KIAA0408: variants seen among roughly 807,000 people sequenced by gnomAD.
KIAA0408 encodes the protein uncharacterized protein KIAA0408.
Under a neutral mutation model 60.9 loss-of-function variants are expected in KIAA0408, and 51 were observed. That is an observed-to-expected ratio of 0.84 (90% CI 0.67 to 1.06). The LOEUF (loss-of-function observed/expected upper bound fraction) is 1.06. KIAA0408 is among the 50% of genes least tolerant of loss of function. The pLI, the probability that KIAA0408 is intolerant of heterozygous loss-of-function variation, is 0.00. For missense variants in KIAA0408, 787 were observed against 833.9 expected, an observed-to-expected ratio of 0.94 and a Z score of 0.69; for synonymous variants, 304 against 282.4, an observed-to-expected ratio of 1.08 and a Z score of -0.77.
At chr6:127,456,638 C>CT (rs1393291229) in intron 1 of KIAA0408, among the ~76,000 whole-genome samples, 2 of 152,144 alleles carry the variant, frequency 1.3e-5, no homozygotes, top group African/African-American at 4.8e-5. Flanking sequence ...AGAAACAAGC[C>CT]TTTGCAAGAA....
rs1212621258 is a variant in KIAA0408, at chr6:127,446,731, G to T, written c.1588C>A (p.Pro530Thr). The T allele has an allele frequency of 6.2e-7, 1 of 1,613,934 alleles. No individual in the cohort carries two copies. The highest frequency in any genetic ancestry group is 1.7e-5 in the Admixed American group (1 of 59,964). Residue 530 changes from proline to threonine, a missense_variant, in exon 5 of 6, where the codon CCT (proline) becomes ACT (threonine). Physicochemically the swap from Pro to Thr is conservative, Grantham distance 38. This residue lies in a region of KIAA0408 where 640 missense variants were observed against 681.3 expected (regional missense o/e 0.94). Transcript: ENST00000483725. ...TGGAGCATATTTCGATAACTGCGAG[G>T]ACTTAGGTGTCCCTGCATTTGTCTT... is the stretch of plus-strand genomic sequence containing the variant. Reference protein sequence around the residue: ...LVRQMQGHLSPRSYRNMLHEH... With the variant: ...LVRQMQGHLSTRSYRNMLHEH...
In KIAA0408 at chr6:127,442,231, T is replaced by C. The variant is rs1562367539; in HGVS notation, c.*1878A>G. On this transcript the variant is annotated 3_prime_UTR_variant, in exon 6 of 6. Coordinates refer to ENST00000483725, the MANE Select transcript of KIAA0408 (RefSeq NM_014702.5). The stretch of plus-strand genomic sequence containing the variant: ...CAATATTCTAAGGAACCACAGATCA[T>C]ACCAGACTACTTGGGATACACTGGT... The C allele has an allele frequency of 6.6e-6, 1 of 152,246 alleles. No homozygotes were observed. Among genetic ancestry groups the C allele is most frequent in the Non-Finnish European group, 1.5e-5 (1 of 68,042 alleles). The allele number at this position is 152,246 out of a possible 1,614,324, so 9.4% of individuals were successfully genotyped here.
intron 1 of KIAA0408, among the ~76,000 whole-genome samples, chr6:127,456,570 T>TAA (rs1773396788): frequency 6.6e-6 from 1 of 152,160 alleles, no homozygotes; most frequent in Non-Finnish European, 1.5e-5. Context: ...TGTATGGAGC[T>TAA]TTTCCTTTCC....
At position 127,449,845 on chromosome 6, in the gene KIAA0408, A is replaced by G; in HGVS notation, c.555T>C (p.Ile185=). The G allele has an allele frequency of 6.2e-7, 1 of 1,614,062 alleles. No individual in the cohort carries two copies. The highest frequency in any genetic ancestry group is 1.1e-5 in the South Asian group (1 of 91,084). The change falls in exon 4 of 6, where the codon ATT becomes ATC. Residue 185 remains isoleucine, a synonymous_variant. Transcript: ENST00000483725. ...ACCTTCTATGGTTAGACCGCTTTCG[A>G]ATTTCCTCTTGAAAGCTGCATAATT... ...SEELCSFQEE[I]RKRSNHRRMK...
chr6:127,450,222 TG>T lies in KIAA0408; in HGVS notation c.265del (p.Gln89LysfsTer5). 6.2e-7 allele frequency: 1 copy of T among 1,614,092 alleles called. No individual in the cohort carries two copies. Among genetic ancestry groups the T allele is most frequent in the Non-Finnish European group, 8.5e-7 (1 of 1,179,982 alleles). ...GTGATTCGTCCTTATAAATTCACTT[TG>T]TCCTAAATCGGGGTAATTTGGGGAA... ...ESSPNYPDLG[Q>X]SEFIRTNHKD... On this transcript the variant is annotated frameshift_variant, in exon 3 of 6. Coordinates refer to ENST00000483725, the MANE Select transcript of KIAA0408 (RefSeq NM_014702.5). LOFTEE classifies it high-confidence loss of function.
Position 127,453,866 on chromosome 6 carries a change from A to G in KIAA0408, c.116T>C (p.Met39Thr). 1 of 1,612,644 alleles carries G rather than the reference A, an allele frequency of 6.2e-7. No individual in the cohort carries two copies. The highest frequency in any genetic ancestry group is 8.5e-7 in the Non-Finnish European group (1 of 1,179,072). The change falls in exon 2 of 6, where the codon ATG becomes ACG. Residue 39 changes from methionine to threonine, a missense_variant. Around this residue, in one of 3 missense-constraint regions of KIAA0408, gnomAD observed 640 missense variants for 681.3 expected, o/e 0.94. Coordinates refer to ENST00000483725, the MANE Select transcript of KIAA0408 (RefSeq NM_014702.5). Reference sequence around the variant, plus strand: ...GTGTACCTCTTCTATTTTCTTCTGCATAATCTTCCATTGACTTTCCCATTC... The same window carrying G: ...GTGTACCTCTTCTATTTTCTTCTGCGTAATCTTCCATTGACTTTCCCATTC... ...RKEWESQWKIMQKKIEELCRE... is the reference protein window; with the variant it reads ...RKEWESQWKITQKKIEELCRE...
chr6:127,444,353 C>A, intron 5 of KIAA0408, 71 bp from the exon 6 acceptor site: 3 of 1,188,810 alleles, frequency 2.5e-6, no homozygotes, highest in South Asian at 3.6e-5. Flanking sequence ...TGATGGGTCT[C>A]AACTATAAGA....
Position 127,446,749 on chromosome 6 carries a change from T to C in KIAA0408, c.1570A>G (p.Met524Val), listed in dbSNP as rs1270787788. Residue 524 changes from methionine to valine, a missense_variant, in exon 5 of 6, where the codon ATG becomes GTG. Physicochemically the swap from Met to Val is conservative, Grantham distance 21. This residue lies in a region of KIAA0408 where 640 missense variants were observed against 681.3 expected (regional missense o/e 0.94). Transcript: ENST00000483725. The stretch of plus-strand genomic sequence containing the variant: ...CTGCGAGGACTTAGGTGTCCCTGCA[T>C]TTGTCTTACTAGGCCTGTTGTGGAT... ...KKSTTGLVRQ[M>V]QGHLSPRSYR... 3 of 1,614,002 alleles carry C rather than the reference T, an allele frequency of 1.9e-6. No individual in the cohort carries two copies. Among genetic ancestry groups the C allele is most frequent in the Admixed American group, 1.7e-5 (1 of 59,986 alleles).
rs367597569 is a variant in KIAA0408, at chr6:127,444,150, T to C, written c.2044A>G (p.Asn682Asp). Residue 682 changes from asparagine (N) to aspartate (D), a missense_variant, in exon 6 of 6, where the codon AAC (asparagine) becomes GAC (aspartate). Coordinates refer to ENST00000483725, the MANE Select transcript of KIAA0408 (RefSeq NM_014702.5). Reference sequence around the variant, plus strand: ...TCGGATCGCAGAGAAATGGTATAGTTGTGGGTAGTTCTCCGCAAGGCAGGG... The same window carrying C: ...TCGGATCGCAGAGAAATGGTATAGTCGTGGGTAGTTCTCCGCAAGGCAGGG... ...APPALRRTTH[N>D]YTISLRSEAL... 4 of 1,613,998 alleles carry C rather than the reference T, an allele frequency of 2.5e-6. No homozygotes were observed. The highest frequency in any genetic ancestry group is 2.2e-5 in the East Asian group (1 of 44,860).
In KIAA0408 at chr6:127,441,348, T is replaced by C. The variant is rs2114782936; in HGVS notation, c.*2761A>G. 1.3e-5 allele frequency: 2 copies of C among 152,730 alleles called. No individual in the cohort carries two copies. Among genetic ancestry groups the C allele is most frequent in the African/African-American group, 4.8e-5 (2 of 41,578 alleles). The allele number at this position is 152,730 out of a possible 1,614,324, so 9.5% of individuals were successfully genotyped here. ...AATGAATTATACAAAGCATCATTTATATTTTTATATTTGGCTTTGGGACAT... is the reference window on the plus strand; with the variant it reads ...AATGAATTATACAAAGCATCATTTACATTTTTATATTTGGCTTTGGGACAT... On this transcript the variant is annotated 3_prime_UTR_variant, in exon 6 of 6. Coordinates refer to ENST00000483725, the MANE Select transcript of KIAA0408 (RefSeq NM_014702.5).
chr6:127,439,847 C>T lies in KIAA0408; in HGVS notation c.*4262G>A, dbSNP rs768236729. On this transcript the variant is annotated 3_prime_UTR_variant, in exon 6 of 6. Coordinates refer to ENST00000483725, the MANE Select transcript of KIAA0408 (RefSeq NM_014702.5). ...GAATTTGCTTTGCAAACAATAAGGT[C>T]ATAGATGCACATGGGACATTTATAC... is the stretch of plus-strand genomic sequence containing the variant. 1.3e-5 allele frequency: 2 copies of T among 152,172 alleles called. No individual in the cohort carries two copies. Among genetic ancestry groups the T allele is most frequent in the Non-Finnish European group, 2.9e-5 (2 of 68,028 alleles). The allele number at this position is 152,172 out of a possible 1,614,324, so 9.4% of individuals were successfully genotyped here.
intron 1 of KIAA0408, among the ~76,000 whole-genome samples, chr6:127,454,830 A>C (rs958489985): frequency 2.6e-5 from 4 of 152,104 alleles, no homozygotes; most frequent in Non-Finnish European, 1.5e-5. Flanking sequence ...GAACTGAAGA[A>C]AACATTTTGC....
chr6:127,446,472 T>G lies in KIAA0408; in HGVS notation c.1847A>C (p.Gln616Pro), dbSNP rs1484552740. 1 of 1,614,134 alleles carries G rather than the reference T, an allele frequency of 6.2e-7. No individual in the cohort carries two copies. Among genetic ancestry groups the G allele is most frequent in the South Asian group, 1.1e-5 (1 of 91,084 alleles). The change falls in exon 5 of 6, where the codon CAA becomes CCA. Residue 616 changes from glutamine (Q) to proline (P), a missense_variant. This residue lies in a region of KIAA0408 where 133 missense variants were observed against 119.2 expected (regional missense o/e 1.12). Coordinates refer to ENST00000483725, the MANE Select transcript of KIAA0408 (RefSeq NM_014702.5). ...EMLQMEQQFQ[Q>P]KTAVWGGQEV... Reference sequence around the variant, plus strand: ...CTGTCCCCCCCACACAGCTGTCTTTTGCTGAAACTGTTGTTCCATTTGGAG... The same window carrying G: ...CTGTCCCCCCCACACAGCTGTCTTTGGCTGAAACTGTTGTTCCATTTGGAG...
chr6:127,458,568 G>A (rs1247127347), intron 1 of KIAA0408, among the ~76,000 whole-genome samples: 1 of 152,092 alleles, frequency 6.6e-6, no homozygotes, highest in Non-Finnish European at 1.5e-5. Context: ...CAAACATTTG[G>A]TTTGAGTAAA....
chr6:127,458,408 GAC>G (rs1269406080), intron 1 of KIAA0408, among the ~76,000 whole-genome samples: 1 of 152,118 alleles, frequency 6.6e-6, no homozygotes, highest in African/African-American at 2.4e-5. Context: ...AGGTCAAAGA[GAC>G]ACTACCACAT....
rs1465473495 is a variant in KIAA0408, at chr6:127,442,249, A to C, written c.*1860T>G. ...CAGATCATACCAGACTACTTGGGATACACTGGTGGAGAGGAACAGATAGGT... is the reference window on the plus strand; with the variant it reads ...CAGATCATACCAGACTACTTGGGATCCACTGGTGGAGAGGAACAGATAGGT... On this transcript the variant is annotated 3_prime_UTR_variant, in exon 6 of 6. Transcript: ENST00000483725. 4 of 152,260 alleles carry C rather than the reference A, an allele frequency of 2.6e-5. No homozygotes were observed. Among genetic ancestry groups the C allele is most frequent in the African/African-American group, 9.6e-5 (4 of 41,470 alleles). The allele number at this position is 152,260 out of a possible 1,614,324, so 9.4% of individuals were successfully genotyped here.
At chr6:127,456,254 C>T (rs1383689280) in intron 1 of KIAA0408, among the ~76,000 whole-genome samples, 2 of 152,036 alleles carry the variant, frequency 1.3e-5, no homozygotes, top group Admixed American at 6.6e-5. Flanking sequence ...ATGTTTTATC[C>T]CAACTGTCTT....
intron 2 of KIAA0408, among the ~76,000 whole-genome samples, chr6:127,451,519 A>T (rs1020821865): frequency 6.6e-6 from 1 of 152,180 alleles, no homozygotes; most frequent in African/African-American, 2.4e-5. Flanking sequence ...GTGACATGTT[A>T]AATCTAAGGA....
rs754799569 is a variant in KIAA0408 at position 127,446,777 on chromosome 6, C to T, written c.1542G>A (p.Lys514=). The change falls in exon 5 of 6, where the codon AAG becomes AAA. Residue 514 remains lysine, a synonymous_variant. Coordinates refer to ENST00000483725, the MANE Select transcript of KIAA0408 (RefSeq NM_014702.5). ...PMENVPDNPT[K]KSTTGLVRQM... ...GTCTTACTAGGCCTGTTGTGGATTT[C>T]TTGGTGGGATTATCAGGCACATTTT... is the stretch of plus-strand genomic sequence containing the variant. The T allele has an allele frequency of 8.1e-6, 13 of 1,614,014 alleles. No homozygotes were observed. The Middle Eastern group carries it at 6.6e-4, about 82-fold the overall frequency.
Sources: gnomAD v4.1 joint callset for allele counts (sites outside exome capture counted in the v4.1 genomes callset) on GRCh38, gnomAD v4.1.1 for gene constraint, gnomAD v4.1.1 regional missense constraint, MANE v1.5 for transcripts, NCBI Gene and HGNC (gene_info 2026-07-23, HGNC 2026-07-21) for gene names.